Variants in SH3D19 observed in about 807,000 individuals in gnomAD.
SH3D19 encodes SH3 domain-containing protein 19.
Under a neutral mutation model 112.1 loss-of-function variants are expected in SH3D19, and 58 were observed. The observed-to-expected ratio is 0.52, with a 90% confidence interval of 0.42 to 0.64. The LOEUF (loss-of-function observed/expected upper bound fraction) is 0.64. Ranked by LOEUF, SH3D19 falls within the 30% of genes least tolerant of loss-of-function variation. The probability of loss-of-function intolerance (pLI) is 0.00; values close to 1 mark genes in which losing one functional copy is unlikely to be tolerated. For missense variants in SH3D19, 1,090 were observed against 1,263.4 expected (o/e 0.86, Z 2.08); for synonymous variants, 391 against 448.5 (o/e 0.87, Z 1.62).
chr4:151,130,662 C>T (rs1217431743), intron 17 of SH3D19, among the ~76,000 whole-genome samples: 2 of 152,116 alleles, frequency 1.3e-5, no homozygotes, highest in African/African-American at 4.8e-5. Context: ...ATGGAGAAGG[C>T]CAGGCGCAGT....
intron 1 of SH3D19, among the ~76,000 whole-genome samples, chr4:151,256,389 AAG>A: frequency 6.6e-6 from 1 of 152,368 alleles, no homozygotes; most frequent in South Asian, 2.1e-4. Flanking sequence ...AAGTATTTGA[AAG>A]AGGAAAGAGA....
At chr4:151,287,919 T>C (rs963843667) in intron 1 of SH3D19, among the ~76,000 whole-genome samples, 10 of 152,256 alleles carry the variant, frequency 6.6e-5, no homozygotes, top group Middle Eastern at 6.8e-3. Flanking sequence ...AAAAAGGATA[T>C]ACCATAAACA....
At chr4:151,287,953 T>C (rs1449979745) in intron 1 of SH3D19, among the ~76,000 whole-genome samples, 1 of 152,112 alleles carries the variant, frequency 6.6e-6, no homozygotes, top group Non-Finnish European at 1.5e-5. Context: ...CCAGGAAACT[T>C]AGGTTGGTTT....
chr4:151,282,007 C>T (rs1774282428), intron 1 of SH3D19: 1 of 801,200 alleles, frequency 1.2e-6, no homozygotes, highest in Non-Finnish European at 2.0e-6. Context: ...GACAAATCAA[C>T]CCTAGTTGAA....
chr4:151,322,398 A>G (rs1730624887), intron 1 of SH3D19, among the ~76,000 whole-genome samples: 1 of 144,362 alleles, frequency 6.9e-6, no homozygotes, highest in Admixed American at 7.4e-5. Flanking sequence ...ACGCCACTAG[A>G]CTCCAGCCTG....
intron 12 of SH3D19, among the ~76,000 whole-genome samples, chr4:151,141,668 A>ATTTATATAATGTGTTATACATGTGCATG (rs1753012701): frequency 6.6e-6 from 1 of 152,176 alleles, no homozygotes; most frequent in Non-Finnish European, 1.5e-5. Context: ...ATTAATTATT[A>ATTTATATAATGTGTTATACATGTGCATG]TTTATATAAT....
At chr4:151,151,809 A>G (rs1314505071) in intron 9 of SH3D19, among the ~76,000 whole-genome samples, 1 of 152,180 alleles carries the variant, frequency 6.6e-6, no homozygotes, top group Admixed American at 6.5e-5. Flanking sequence ...CTACCTTTAA[A>G]ATTAAAACAA....
At chr4:151,296,912 A>G (rs2126308385) in intron 1 of SH3D19, among the ~76,000 whole-genome samples, 1 of 152,334 alleles carries the variant, frequency 6.6e-6, no homozygotes, top group Non-Finnish European at 1.5e-5. Flanking sequence ...TACCCCAAAA[A>G]TGTGAGGACA....
intron 1 of SH3D19, chr4:151,279,786 C>A: frequency 6.2e-7 from 1 of 1,613,262 alleles, no homozygotes; most frequent in Non-Finnish European, 8.5e-7. Context: ...CCTTTCTTCT[C>A]TTTCTCTAGT....
At chr4:151,317,855 C>T (rs1730142103) in intron 1 of SH3D19, among the ~76,000 whole-genome samples, 1 of 151,978 alleles carries the variant, frequency 6.6e-6, no homozygotes, top group African/African-American at 2.4e-5. Context: ...CACCTGTAAT[C>T]CCAGCTACTT....
chr4:151,228,096 A>G, intron 1 of SH3D19: 1 of 932,014 alleles, frequency 1.1e-6, no homozygotes, highest in South Asian at 4.9e-5. Flanking sequence ...TTTCTGCTCT[A>G]AGAAAATACA....
chr4:151,154,965 C>G (rs1281240427), intron 9 of SH3D19, among the ~76,000 whole-genome samples: 1 of 151,950 alleles, frequency 6.6e-6, no homozygotes, highest in African/African-American at 2.4e-5. Context: ...ACCATGTTGG[C>G]CAGACTGATC....
In SH3D19 at chr4:151,265,512, TAA is replaced by T. The variant is rs549348510; in HGVS notation, c.113-39428_113-39427del. Among the ~76,000 whole-genome samples, 553 of 151,836 alleles carry T rather than the reference TAA, an allele frequency of 3.6e-3. 1 individual carries two copies. Among genetic ancestry groups the T allele is most frequent in the Middle Eastern group, 0.01 (3 of 290 alleles). ...CCGATACTACTCCAAGCTCAAGGCA[TAA>T]GTTTGCTTTTTAATAGAATGATCAA... On this transcript the variant is annotated intron_variant, in intron 1 of 19. Coordinates refer to ENST00000604030, the MANE Select transcript of SH3D19 (RefSeq NM_001378122.1).
intron 1 of SH3D19, among the ~76,000 whole-genome samples, chr4:151,316,814 A>G (rs1421043812): frequency 6.6e-6 from 1 of 152,210 alleles, no homozygotes; most frequent in East Asian, 1.9e-4. Context: ...AGCTGCTTCT[A>G]AACAAGGGGG....
chr4:151,215,239 A>G (rs544110578), intron 2 of SH3D19, among the ~76,000 whole-genome samples: 1 of 152,330 alleles, frequency 6.6e-6, no homozygotes, highest in African/African-American at 2.4e-5. Context: ...AATATTCTGA[A>G]GACCGTACTT....
chr4:151,265,130 G>GA (rs1435513098), intron 1 of SH3D19, among the ~76,000 whole-genome samples: 1 of 151,856 alleles, frequency 6.6e-6, no homozygotes, highest in Non-Finnish European at 1.5e-5. Context: ...AAAGAATTCA[G>GA]AAAAAAACAA....
At chr4:151,222,058 A>G (rs904567013) in intron 2 of SH3D19, among the ~76,000 whole-genome samples, 1 of 152,212 alleles carries the variant, frequency 6.6e-6, no homozygotes, top group Non-Finnish European at 1.5e-5. Flanking sequence ...TTTTATTTCC[A>G]GCGCTAGCTT....
At chr4:151,185,172 C>CA (rs1761592075) in intron 3 of SH3D19, among the ~76,000 whole-genome samples, 1 of 147,340 alleles carries the variant, frequency 6.8e-6, no homozygotes, top group Non-Finnish European at 1.5e-5. Context: ...GATTCCCTAA[C>CA]AAAAAAGTCC....
At chr4:151,218,078 G>C (rs1032539391) in intron 2 of SH3D19, among the ~76,000 whole-genome samples, 4 of 152,070 alleles carry the variant, frequency 2.6e-5, no homozygotes, top group Non-Finnish European at 5.9e-5. Flanking sequence ...TCACCTATGG[G>C]ATAAAGGCAG....
Sources: gnomAD v4.1 joint callset for allele counts (sites outside exome capture counted in the v4.1 genomes callset) on GRCh38, gnomAD v4.1.1 for gene constraint, MANE v1.5 for transcripts, NCBI Gene and HGNC (gene_info 2026-07-23, HGNC 2026-07-21) for gene names.